NPAT: variants seen among roughly 807,000 people sequenced by gnomAD.
NPAT encodes the protein protein NPAT.
A neutral mutation model predicts 130.7 loss-of-function variants in NPAT; 52 were observed. That is an observed-to-expected ratio of 0.40 (90% CI 0.32 to 0.50). NPAT has a LOEUF of 0.50. NPAT is among the 20% of genes least tolerant of loss of function. NPAT has a pLI of 0.68. For synonymous variants in NPAT, 580 were observed against 584.8 expected (o/e 0.99, Z 0.12); for missense variants, 1,687 against 1,662.6 (o/e 1.01, Z -0.26).
rs572734146 is a variant in NPAT at position 108,181,726 on chromosome 11, C to T, written c.906+3506G>A. On this transcript the variant is annotated intron_variant, in intron 10 of 17. Coordinates refer to ENST00000278612, the MANE Select transcript of NPAT (RefSeq NM_002519.3). ...GCATCCAAGGAAAGGAGGCCTGCAT[C>T]GAGGTCATAATAAAAAAAAAAAAAA... 7.3e-5 allele frequency among the ~76,000 whole-genome samples: 11 copies of T among 150,460 alleles called. 1 individual carries two copies. The East Asian group carries it at 1.4e-3, about 19-fold the overall frequency.
chr11:108,197,273 A>C, intron 2 of NPAT, 29 bp downstream of exon 2: 2 of 1,363,684 alleles, frequency 1.5e-6, no homozygotes, highest in Non-Finnish European at 2.1e-6. Flanking sequence ...TGTTGATGAA[A>C]TATTTCCCTT....
chr11:108,219,858 A>C (rs2078467476), intron 1 of NPAT, among the ~76,000 whole-genome samples: 1 of 152,250 alleles, frequency 6.6e-6, no homozygotes, highest in African/African-American at 2.4e-5. Flanking sequence ...CTACAATGAG[A>C]CATGATAAGG....
intron 1 of NPAT, among the ~76,000 whole-genome samples, chr11:108,201,675 G>C (rs1489119490): frequency 6.6e-6 from 1 of 152,184 alleles, no homozygotes; most frequent in Non-Finnish European, 1.5e-5. Flanking sequence ...GGGGTATAAC[G>C]TAACCATTTA....
At chr11:108,220,663 T>C (rs1319121185) in intron 1 of NPAT, among the ~76,000 whole-genome samples, 2 of 152,128 alleles carry the variant, frequency 1.3e-5, no homozygotes, top group Admixed American at 1.3e-4. Flanking sequence ...ATATACACGA[T>C]ATGTATCTAT....
intron 17 of NPAT, among the ~76,000 whole-genome samples, chr11:108,160,164 G>C (rs1421788371): frequency 1.4e-5 from 2 of 147,356 alleles, no homozygotes; most frequent in African/African-American, 4.9e-5. Flanking sequence ...AAAAAAAAAA[G>C]GAAAAAATAT....
chr11:108,176,890 G>A, intron 11 of NPAT, 104 bp downstream of exon 11: 3 of 725,414 alleles, frequency 4.1e-6, no homozygotes, highest in South Asian at 3.1e-5. Context: ...ATGAAAACAA[G>A]AACTTTTTTA....
chr11:108,208,395 TC>T, intron 1 of NPAT: 1 of 452,700 alleles, frequency 2.2e-6, no homozygotes, highest in South Asian at 1.6e-5. Context: ...TTCAAGACCA[TC>T]CCGGGAAACC....
chr11:108,204,287 C>T (rs2078303821), intron 1 of NPAT, among the ~76,000 whole-genome samples: 1 of 152,128 alleles, frequency 6.6e-6, no homozygotes, highest in East Asian at 1.9e-4. Context: ...AAAACTTCCT[C>T]GATGCCTAAG....
chr11:108,186,737 T>A (rs1327760719), intron 7 of NPAT, among the ~76,000 whole-genome samples, 168 bp from the exon 8 acceptor site: 1 of 152,156 alleles, frequency 6.6e-6, no homozygotes, highest in African/African-American at 2.4e-5. Flanking sequence ...AAAATCCACA[T>A]GTACTCAAGT....
chr11:108,161,863 T>A lies in NPAT; in HGVS notation c.3223A>T (p.Asn1075Tyr), dbSNP rs1160612820. The change falls in exon 17 of 18, where the codon AAT becomes TAT. Residue 1075 changes from asparagine to tyrosine, a missense_variant. Transcript: ENST00000278612. ...ATCTTATGGTTTGGCCCCTGCGTAT[T>A]TGCCACAGGAGCAGTAGTGCTGTCG... is the stretch of plus-strand genomic sequence containing the variant. ...CFDSTTAPVA[N>Y]TQGPNHKMVS... The A allele has an allele frequency of 6.2e-7, 1 of 1,614,026 alleles. No homozygotes were observed. The highest frequency in any genetic ancestry group is 8.5e-7 in the Non-Finnish European group (1 of 1,180,036).
chr11:108,204,638 C>T (rs952389023), intron 1 of NPAT, among the ~76,000 whole-genome samples: 12 of 152,236 alleles, frequency 7.9e-5, no homozygotes, highest in Admixed American at 7.2e-4. Flanking sequence ...AGCGGACAGC[C>T]GCCCCACATG....
chr11:108,190,633 A>C, intron 4 of NPAT, 133 bp from the exon 5 acceptor site: 3 of 761,896 alleles, frequency 3.9e-6, no homozygotes, highest in Admixed American at 2.1e-5. Flanking sequence ...AAAAAAGACA[A>C]ACACACACAT....
chr11:108,204,555 AACCTGC>A (rs1565325860), intron 1 of NPAT, among the ~76,000 whole-genome samples: 2 of 152,020 alleles, frequency 1.3e-5, no homozygotes, highest in East Asian at 3.9e-4. Context: ...GAACCTGCCG[AACCTGC>A]CGAACCTGCA....
rs1488738337 is a variant in NPAT at position 108,172,405 on chromosome 11, A to G, written c.2579T>C (p.Phe860Ser). Residue 860 changes from phenylalanine to serine, a missense_variant, in exon 13 of 18, where the codon TTT (phenylalanine) becomes TCT (serine). Transcript: ENST00000278612. Reference protein sequence around the residue: ...IQLMPATSTAFGNSNNILIAT... With the variant: ...IQLMPATSTASGNSNNILIAT... ...TATCAGAATGTTATTTGAATTGCCA[A>G]AAGCTGTGCTTGTGGCTGGCATCAA... 6.2e-7 allele frequency: 1 copy of G among 1,614,026 alleles called. No individual in the cohort carries two copies. Among genetic ancestry groups the G allele is most frequent in the East Asian group, 2.2e-5 (1 of 44,900 alleles).
Position 108,173,322 on chromosome 11 carries a change from A to C in NPAT, c.1662T>G (p.Ser554=), listed in dbSNP as rs778693285. The change falls in exon 13 of 18, where the codon TCT becomes TCG. Residue 554 remains serine (S), a synonymous_variant. Coordinates refer to ENST00000278612, the MANE Select transcript of NPAT (RefSeq NM_002519.3). ...TAATTTTAAGTTTTACTGTATCATT[A>C]GAATTTTCACAAAATTGACTTTTTT... is the stretch of plus-strand genomic sequence containing the variant. ...PSKKSQFCEN[S]NDTVKLKINF... The C allele has an allele frequency of 6.2e-7, 1 of 1,612,550 alleles. No individual in the cohort carries two copies. Among genetic ancestry groups the C allele is most frequent in the East Asian group, 2.2e-5 (1 of 44,856 alleles).
chr11:108,191,287 A>C (rs1295559590), intron 4 of NPAT, among the ~76,000 whole-genome samples: 1 of 152,210 alleles, frequency 6.6e-6, no homozygotes, highest in East Asian at 1.9e-4. Flanking sequence ...TATGACTATG[A>C]AATTATTTTA....
At position 108,222,587 on chromosome 11, in the gene NPAT, C is replaced by A. The variant is rs1451886315; in HGVS notation, c.-51G>T. On this transcript the variant is annotated 5_prime_UTR_variant, in exon 1 of 18. Coordinates refer to ENST00000278612, the MANE Select transcript of NPAT (RefSeq NM_002519.3). Reference sequence around the variant, plus strand: ...ATAAGGAACAAGACTCAGGTTAAAGCAAACACAGCGACAGCTCCTGCGCCG... The same window carrying A: ...ATAAGGAACAAGACTCAGGTTAAAGAAAACACAGCGACAGCTCCTGCGCCG... The A allele has an allele frequency of 1.9e-6, 3 of 1,603,638 alleles. No individual in the cohort carries two copies. The highest frequency in any genetic ancestry group is 2.7e-5 in the African/African-American group (2 of 74,692).
intron 15 of NPAT, among the ~76,000 whole-genome samples, chr11:108,165,372 GT>G: frequency 6.7e-6 from 1 of 150,204 alleles, no homozygotes; most frequent in Middle Eastern, 3.5e-3. Context: ...AGCCTCCCAA[GT>G]TGCTAGGATT....
intron 10 of NPAT, among the ~76,000 whole-genome samples, chr11:108,180,414 C>T (rs1220678561): frequency 6.6e-6 from 1 of 152,168 alleles, no homozygotes; most frequent in Admixed American, 6.5e-5. Flanking sequence ...ATAACTTAAA[C>T]AGACATTTAT....
Sources: allele counts gnomAD v4.1 joint callset (sites outside exome capture counted in the v4.1 genomes callset), GRCh38; gene constraint gnomAD v4.1.1; transcripts MANE v1.5; gene names NCBI Gene and HGNC (gene_info 2026-07-23, HGNC 2026-07-21).